Variants in CC2D2A observed in about 807,000 individuals in gnomAD.
CC2D2A encodes the protein coiled-coil and C2 domain containing 2A, also known as coiled-coil and C2 domain-containing protein 2A.
Under a neutral mutation model 212.9 loss-of-function variants are expected in CC2D2A, and 155 were observed. The ratio of observed to expected loss-of-function variants is 0.73; its 90% CI spans 0.64 to 0.83. CC2D2A has a LOEUF of 0.83. Among genes scored for constraint, CC2D2A ranks in the 40% least tolerant of loss-of-function variants. CC2D2A has a pLI of 0.00. For missense variants in CC2D2A, 1,856 were observed against 1,956.2 expected, an observed-to-expected ratio of 0.95 and a Z score of 0.97; for synonymous variants, 667 against 686.5, an observed-to-expected ratio of 0.97 and a Z score of 0.44.
intron 4 of CC2D2A, chr4:15,492,869 T>G (rs1715386713): frequency 1.7e-6 from 1 of 575,154 alleles, no homozygotes; most frequent in Non-Finnish European, 3.3e-6. Context: ...TGGGTGTCAC[T>G]GTTAAAGTCG....
intron 18 of CC2D2A, among the ~76,000 whole-genome samples, chr4:15,551,190 G>A (rs370017357): frequency 1.3e-5 from 2 of 152,338 alleles, no homozygotes; most frequent in Admixed American, 6.5e-5. Flanking sequence ...CAACTATGAA[G>A]TAGTTTGGCA....
At chr4:15,538,439 A>C (rs879565847) in intron 16 of CC2D2A, among the ~76,000 whole-genome samples, 2 of 152,210 alleles carry the variant, frequency 1.3e-5, no homozygotes, top group African/African-American at 2.4e-5. Context: ...TGCTCTTCAC[A>C]GTGGCTGTCT....
At chr4:15,481,596 T>C in intron 4 of CC2D2A, 1 of 173,910 alleles carries the variant, frequency 5.8e-6, no homozygotes, top group Non-Finnish European at 1.2e-5. Flanking sequence ...CTGTTTCCCC[T>C]TCCCCTTCTG....
intron 2 of CC2D2A, among the ~76,000 whole-genome samples, chr4:15,476,821 GCTGT>G (rs1241721653): frequency 6.6e-6 from 1 of 152,164 alleles, no homozygotes; most frequent in Non-Finnish European, 1.5e-5. Context: ...GAGAAGGGAG[GCTGT>G]CTAATTTGGA....
chr4:15,528,218 A>G (rs1717616759), intron 12 of CC2D2A, among the ~76,000 whole-genome samples: 1 of 152,250 alleles, frequency 6.6e-6, no homozygotes, highest in African/African-American at 2.4e-5. Context: ...TAACTTCACA[A>G]TATCTCGTTT....
intron 26 of CC2D2A, 85 bp from the exon 27 acceptor site, chr4:15,569,208 G>T (rs559931805): frequency 5.6e-6 from 4 of 718,836 alleles, no homozygotes; most frequent in Non-Finnish European, 9.8e-6. Flanking sequence ...CTCATATTTG[G>T]GTATTTTTCA....
At chr4:15,599,969 G>A (rs1305793818) in intron 36 of CC2D2A, among the ~76,000 whole-genome samples, 2 of 151,944 alleles carry the variant, frequency 1.3e-5, no homozygotes, top group African/African-American at 2.4e-5. Flanking sequence ...GAAAACATCT[G>A]GCTAAATCAT....
At chr4:15,576,332 A>G in intron 29 of CC2D2A, 1 of 975,456 alleles carries the variant, frequency 1.0e-6, no homozygotes, top group South Asian at 4.7e-5. Flanking sequence ...TATAGGGTCA[A>G]CAACCTGGAA....
chr4:15,478,670 G>A, intron 2 of CC2D2A, 53 bp from the exon 3 acceptor site: 1 of 1,385,432 alleles, frequency 7.2e-7, no homozygotes, highest in Non-Finnish European at 1.0e-6. Flanking sequence ...ATACCTAAAA[G>A]TCATACCTCT....
chr4:15,560,628 A>T lies in CC2D2A; in HGVS notation c.3014+6A>T. ...GAAGAAGTTCCCAATATCAGGTAAA[A>T]ATAATCAAAGCCATTATTATCAATT... On this transcript the variant is annotated splice_donor_region_variant and intron_variant, in intron 23 of 36. Coordinates refer to ENST00000424120, the MANE Select transcript of CC2D2A (RefSeq NM_001378615.1). 1 of 1,199,578 alleles carries T rather than the reference A, an allele frequency of 8.3e-7. No individual in the cohort carries two copies. The highest frequency in any genetic ancestry group is 1.2e-6 in the Non-Finnish European group (1 of 833,082). 74.3% of individuals were successfully genotyped at this position (1,199,578 alleles called of 1,614,324 possible).
chr4:15,494,201 C>T (rs764509172), intron 4 of CC2D2A, among the ~76,000 whole-genome samples: 1 of 152,256 alleles, frequency 6.6e-6, no homozygotes, highest in Middle Eastern at 3.4e-3. Flanking sequence ...ATGAGAGCAC[C>T]GAGTCTTGTC....
intron 36 of CC2D2A, 101 bp from the exon 37 acceptor site, chr4:15,601,136 T>C: frequency 1.2e-6 from 1 of 819,878 alleles, no homozygotes; most frequent in Non-Finnish European, 1.8e-6. Context: ...AGCAAATAAC[T>C]GAGATCCAGA....
intron 16 of CC2D2A, among the ~76,000 whole-genome samples, chr4:15,539,902 A>G (rs1291084919): frequency 6.6e-6 from 1 of 152,206 alleles, no homozygotes; most frequent in East Asian, 1.9e-4. Flanking sequence ...ATAAGTCTAA[A>G]TTATAGACAT....
intron 30 of CC2D2A, among the ~76,000 whole-genome samples, chr4:15,582,953 A>G (rs927849019): frequency 6.6e-6 from 1 of 152,188 alleles, no homozygotes; most frequent in Admixed American, 6.5e-5. Context: ...AAATATTGCC[A>G]AACAAAATTC....
rs1361685948 is a variant in CC2D2A at position 15,578,808 on chromosome 4, G to GT, written c.3772-1157dup. Among the ~76,000 whole-genome samples the GT allele has an allele frequency of 2.6e-3, 237 of 90,806 alleles. 4 individuals carry two copies. Among genetic ancestry groups the GT allele is most frequent in the African/African-American group, 5.6e-3 (148 of 26,420 alleles). The allele number at this position is 90,806 out of a possible 152,430, so 59.6% of individuals were successfully genotyped here. A position where few individuals can be genotyped will look rare whatever the true frequency, so the allele number is the denominator to read the frequency against. On this transcript the variant is annotated intron_variant, in intron 29 of 36. Transcript: ENST00000424120. ...ACCTGGTTTGTTTGTTTGTTTGTTTGTTTGTTTGTTTTTAATAGAGACAGG... is the reference window on the plus strand; with the variant it reads ...ACCTGGTTTGTTTGTTTGTTTGTTTGTTTTGTTTGTTTTTAATAGAGACAGG...
At position 15,479,134 on chromosome 4, in the gene CC2D2A, G is replaced by A. The variant is rs1253813433; in HGVS notation, c.123+328G>A. 3 of 913,336 alleles carry A rather than the reference G, an allele frequency of 3.3e-6. No homozygotes were observed. In the African/African-American group the frequency reaches 4.9e-5, roughly 15 times the overall value. The allele number at this position is 913,336 out of a possible 1,614,324, so 56.6% of individuals were successfully genotyped here. A position where few individuals can be genotyped will look rare whatever the true frequency, so the allele number is the denominator to read the frequency against. ...TGCTTCATTGAAGGCCATGGACTAT[G>A]ATGGGCAGTAGATGGCAGTACACGA... On this transcript the variant is annotated intron_variant, in intron 3 of 36. Coordinates refer to ENST00000424120, the MANE Select transcript of CC2D2A (RefSeq NM_001378615.1).
intron 8 of CC2D2A, 83 bp downstream of exon 8, chr4:15,511,506 T>G: frequency 1.5e-6 from 2 of 1,301,388 alleles, no homozygotes. Flanking sequence ...AGAAAGTGGC[T>G]GAGGAGAAAC....
chr4:15,573,927 T>G (rs1436582161), intron 28 of CC2D2A, among the ~76,000 whole-genome samples: 1 of 152,190 alleles, frequency 6.6e-6, no homozygotes. Context: ...GCAAATTGTA[T>G]ATTCAGTACA....
At chr4:15,547,013 A>G (rs772167520) in intron 17 of CC2D2A, among the ~76,000 whole-genome samples, 1 of 149,670 alleles carries the variant, frequency 6.7e-6, no homozygotes, top group Non-Finnish European at 1.5e-5. Flanking sequence ...AATTCCCATT[A>G]AAAAAAAAAT....
Sources: gnomAD v4.1 joint callset for allele counts (sites outside exome capture counted in the v4.1 genomes callset) on GRCh38, gnomAD v4.1.1 for gene constraint, MANE v1.5 for transcripts, NCBI Gene and HGNC (gene_info 2026-07-23, HGNC 2026-07-21) for gene names.